The following GPHN variants were observed in gnomAD, a reference collection of about 807,000 sequenced individuals.
The protein encoded by GPHN is gephyrin.
In GPHN, 17 loss-of-function variants were observed where a neutral mutation model predicts 95.5. The observed-to-expected ratio is 0.18, with a 90% confidence interval of 0.12 to 0.27. The LOEUF is 0.27. Ranked by LOEUF, GPHN falls within the 10% of genes least tolerant of loss-of-function variation. The probability of loss-of-function intolerance (pLI) is 1.00; values close to 1 mark genes in which losing one functional copy is unlikely to be tolerated. For synonymous variants in GPHN, 320 were observed against 322.5 expected (o/e 0.99, Z 0.08); for missense variants, 660 against 978.1 (o/e 0.67, Z 4.34).
chr14:67,387,443 A>G, the GPHN span: 1 of 1,608,348 alleles, frequency 6.2e-7, no homozygotes, highest in Non-Finnish European at 8.5e-7. Context: ...TTCCCTGGAC[A>G]TTCCCTTTAA....
chr14:67,032,250 A>T (rs1254804754), intron 10 of GPHN, among the ~76,000 whole-genome samples: 3 of 152,164 alleles, frequency 2.0e-5, no homozygotes, highest in African/African-American at 7.2e-5. Context: ...ACTGCCTTCT[A>T]TCTCACTGCA....
the GPHN span, among the ~76,000 whole-genome samples, chr14:67,258,965 C>T: frequency 0.061 from 9,201 of 151,732 alleles, 603 homozygotes; most frequent in African/African-American, 0.16. Context: ...GCCTCACCCT[C>T]CCGAGTAGCT....
intron 18 of GPHN, among the ~76,000 whole-genome samples, chr14:67,158,720 AG>A (rs1490431261): frequency 6.6e-6 from 1 of 152,168 alleles, no homozygotes; most frequent in Non-Finnish European, 1.5e-5. Context: ...TCATTTCCAA[AG>A]ATCAGATTTT....
chr14:67,637,654 A>C, the GPHN span, among the ~76,000 whole-genome samples: 2 of 152,164 alleles, frequency 1.3e-5, no homozygotes, highest in Non-Finnish European at 2.9e-5. Flanking sequence ...AGTGGGCATT[A>C]GAGGAGAAAG....
the GPHN span, among the ~76,000 whole-genome samples, chr14:67,546,707 A>T: frequency 1.3e-5 from 2 of 152,214 alleles, no homozygotes; most frequent in Admixed American, 6.5e-5. Flanking sequence ...ACATGTTTTT[A>T]AAAAATTATT....
At chr14:67,347,563 G>A in the GPHN span, 10 of 912,710 alleles carry the variant, frequency 1.1e-5, no homozygotes, top group East Asian at 5.3e-5. Flanking sequence ...ATGCAATGGC[G>A]TGATCTCGCC....
chr14:67,280,598 G>T, the GPHN span, among the ~76,000 whole-genome samples: 1 of 152,138 alleles, frequency 6.6e-6, no homozygotes, highest in Non-Finnish European at 1.5e-5. Context: ...AGCCAAGTTT[G>T]AATTTGCCAG....
the GPHN span, among the ~76,000 whole-genome samples, chr14:67,323,399 G>T: frequency 2.0e-5 from 3 of 151,608 alleles, no homozygotes; most frequent in Non-Finnish European, 4.4e-5. Context: ...AGCATTGCTT[G>T]AGGCCAGGAG....
the GPHN span, among the ~76,000 whole-genome samples, chr14:67,542,330 G>A: frequency 6.6e-6 from 1 of 152,094 alleles, no homozygotes. Flanking sequence ...GGTGTTTCGG[G>A]AGAAAACAGA....
chr14:67,392,801 C>A, the GPHN span: 2 of 1,613,838 alleles, frequency 1.2e-6, no homozygotes, highest in East Asian at 4.5e-5. Flanking sequence ...CGCCTCCAGA[C>A]GGCTGGCCGT....
intron 5 of GPHN, among the ~76,000 whole-genome samples, chr14:66,883,481 A>G (rs2064029429): frequency 2.0e-5 from 3 of 151,980 alleles, no homozygotes; most frequent in South Asian, 2.1e-4. Flanking sequence ...TCTTCGGACA[A>G]TTTCAATATC....
At chr14:66,661,770 T>TC (rs59747098) in intron 1 of GPHN, among the ~76,000 whole-genome samples, 49,660 of 151,750 alleles carry the variant, frequency 0.33, 11,904 homozygotes, top group African/African-American at 0.65. Flanking sequence ...GGGACTGAGT[T>TC]CGAGGGGGAG....
At chr14:66,922,586 C>G in intron 6 of GPHN, 80 bp from the exon 7 acceptor site, 1 of 1,148,058 alleles carries the variant, frequency 8.7e-7, no homozygotes, top group Non-Finnish European at 1.2e-6. Context: ...TCCAAAATCA[C>G]GAAACAGTTT....
At chr14:66,876,008 A>G (rs925724529) in intron 4 of GPHN, among the ~76,000 whole-genome samples, 20 of 152,266 alleles carry the variant, frequency 1.3e-4, no homozygotes, top group African/African-American at 4.6e-4. Flanking sequence ...TGGAAGTAAA[A>G]CATTCCTCAG....
chr14:67,055,506 G>A (rs2075517977), intron 10 of GPHN, among the ~76,000 whole-genome samples: 1 of 152,144 alleles, frequency 6.6e-6, no homozygotes, highest in Non-Finnish European at 1.5e-5. Flanking sequence ...ATTCCTCAAA[G>A]ACCTAGAACT....
chr14:66,643,124 A>G (rs2064524715), intron 1 of GPHN, among the ~76,000 whole-genome samples: 1 of 152,100 alleles, frequency 6.6e-6, no homozygotes, highest in Non-Finnish European at 1.5e-5. Flanking sequence ...CACTTCACAA[A>G]TAGTATATGT....
At chr14:67,246,799 G>A in the GPHN span, among the ~76,000 whole-genome samples, 2 of 151,856 alleles carry the variant, frequency 1.3e-5, no homozygotes, top group Non-Finnish European at 2.9e-5. Context: ...TTATAAGCGC[G>A]CACCACCACG....
chr14:66,769,776 G>A (rs902175526), intron 2 of GPHN, among the ~76,000 whole-genome samples: 1 of 152,138 alleles, frequency 6.6e-6, no homozygotes, highest in Admixed American at 6.6e-5. Flanking sequence ...TGTGGATAGT[G>A]TTGTGATGAA....
intron 16 of GPHN, among the ~76,000 whole-genome samples, chr14:67,113,514 T>C (rs2078495816): frequency 6.6e-6 from 1 of 152,240 alleles, no homozygotes; most frequent in Admixed American, 6.5e-5. Context: ...TGTTTCTGTT[T>C]AGACAATGAA....
Sources: allele counts gnomAD v4.1 joint callset (sites outside exome capture counted in the v4.1 genomes callset), GRCh38; gene constraint gnomAD v4.1.1; transcripts MANE v1.5; gene names NCBI Gene and HGNC (gene_info 2026-07-23, HGNC 2026-07-21).